SLC4A10: variants seen among roughly 807,000 people sequenced by gnomAD.
The protein encoded by SLC4A10 is solute carrier family 4 member 10.
SLC4A10 carries 42 observed loss-of-function variants against 137.7 expected under a neutral mutation model. The observed-to-expected ratio is 0.30, with a 90% CI of 0.24 to 0.39. The LOEUF is 0.39. Among genes scored for constraint, SLC4A10 ranks in the 10% least tolerant of loss-of-function variants. The pLI, the probability that SLC4A10 is intolerant of heterozygous loss-of-function variation, is 1.00. For missense variants in SLC4A10, 925 were observed against 1,355.0 expected, an observed-to-expected ratio of 0.68 and a Z score of 4.98; for synonymous variants, 474 against 464.1, an observed-to-expected ratio of 1.02 and a Z score of -0.27.
chr2:161,827,213 T>G (rs1043883601), intron 3 of SLC4A10, among the ~76,000 whole-genome samples: 1 of 152,234 alleles, frequency 6.6e-6, no homozygotes, highest in East Asian at 1.9e-4. Context: ...GACTTTCATT[T>G]TGAGTCATCA....
chr2:161,926,375 G>T, intron 15 of SLC4A10, among the ~76,000 whole-genome samples: 1 of 82,570 alleles, frequency 1.2e-5, no homozygotes, highest in African/African-American at 4.0e-5. Context: ...TGCAACCCCT[G>T]CCTTTTTTTG....
intron 21 of SLC4A10, among the ~76,000 whole-genome samples, chr2:161,959,471 A>G (rs1696242757): frequency 6.6e-6 from 1 of 152,148 alleles, no homozygotes; most frequent in Admixed American, 6.5e-5. Flanking sequence ...CTATTCCACA[A>G]CTGTGGGCAT....
In SLC4A10 at chr2:161,905,651, G is replaced by A. The variant is rs760953228; in HGVS notation, c.1761G>A (p.Gly587=). The part of the protein sequence containing the change: ...KILFKFCKEY[G]LSYLSLRASI... ...CTTTTCCTCCTCCCAGAGAATATGGGCTGTCATACCTATCTTTAAGAGCTA... is the reference window on the plus strand; with the variant it reads ...CTTTTCCTCCTCCCAGAGAATATGGACTGTCATACCTATCTTTAAGAGCTA... Residue 587 remains glycine, a synonymous_variant, in exon 15 of 27, where the codon GGG becomes GGA. Coordinates refer to ENST00000446997, the MANE Select transcript of SLC4A10 (RefSeq NM_001178015.2). The A allele has an allele frequency of 1.3e-4, 206 of 1,602,700 alleles. No homozygotes were observed. Among genetic ancestry groups the A allele is most frequent in the Middle Eastern group, 5.0e-4 (3 of 6,000 alleles).
intron 1 of SLC4A10, among the ~76,000 whole-genome samples, chr2:161,695,886 A>T (rs11682136): frequency 0.92 from 140,553 of 152,174 alleles, 64,950 homozygotes; most frequent in East Asian, 1. Flanking sequence ...CTACCTGACA[A>T]TTATTTATTT....
At chr2:161,965,715 T>G (rs2105918230) in intron 23 of SLC4A10, among the ~76,000 whole-genome samples, 1 of 152,304 alleles carries the variant, frequency 6.6e-6, no homozygotes, top group South Asian at 2.1e-4. Context: ...TTGCAGAAAC[T>G]TCTGGAATTT....
chr2:161,796,614 C>G (rs1456661011), intron 2 of SLC4A10, among the ~76,000 whole-genome samples: 1 of 152,176 alleles, frequency 6.6e-6, no homozygotes, highest in Non-Finnish European at 1.5e-5. Context: ...TTGGAACAAG[C>G]TGCTAAAATA....
At chr2:161,706,420 T>C (rs190605789) in intron 1 of SLC4A10, among the ~76,000 whole-genome samples, 9 of 151,754 alleles carry the variant, frequency 5.9e-5, no homozygotes, top group Admixed American at 5.9e-4. Flanking sequence ...ATTTCTCACA[T>C]TCAATCCCTG....
intron 11 of SLC4A10, among the ~76,000 whole-genome samples, chr2:161,897,100 A>G (rs748496269): frequency 5.9e-5 from 9 of 152,196 alleles, no homozygotes; most frequent in Middle Eastern, 3.4e-3. Flanking sequence ...TTATATTTGT[A>G]TTGCTTTTTT....
chr2:161,659,415 G>A (rs2037995305), intron 1 of SLC4A10, among the ~76,000 whole-genome samples: 1 of 152,176 alleles, frequency 6.6e-6, no homozygotes, highest in African/African-American at 2.4e-5. Flanking sequence ...AGTGAGTGAT[G>A]AGAAATTACT....
chr2:161,900,890 T>A, intron 11 of SLC4A10, 21 bp from the exon 12 acceptor site: 1 of 1,488,646 alleles, frequency 6.7e-7, no homozygotes, highest in East Asian at 2.5e-5. Flanking sequence ...ACAAAACACA[T>A]GAACAAAAAA....
At chr2:161,785,822 AC>A (rs2053562960) in intron 2 of SLC4A10, among the ~76,000 whole-genome samples, 2 of 151,930 alleles carry the variant, frequency 1.3e-5, no homozygotes, top group African/African-American at 4.8e-5. Context: ...TCAACATAGT[AC>A]TAGAAGTCCT....
rs568778991 is a variant in SLC4A10, at chr2:161,699,622, G to T, written c.49-71351G>T. Among the ~76,000 whole-genome samples the T allele has an allele frequency of 3.5e-4, 54 of 152,258 alleles. 1 individual carries two copies. The South Asian group carries it at 6.0e-3, about 17-fold the overall frequency. On this transcript the variant is annotated intron_variant, in intron 1 of 26. Transcript: ENST00000446997. ...AGGATCTTAATAATTGTAAATGAAA[G>T]ACAAGATTAAGCCTAAAAGAAAGTG...
Position 161,974,252 on chromosome 2 carries a change from G to C in SLC4A10, c.3163G>C (p.Glu1055Gln), listed in dbSNP as rs12991239. ...KKLEDAEKEE[E>Q]QSMLAMEDEG... ...TACTTTACATTTGTCTTTTCAGGAA[G>C]AACAAAGTATGCTAGCTATGGAAGA... is the stretch of plus-strand genomic sequence containing the variant. The change falls in exon 24 of 27, where the codon GAA (glutamate) becomes CAA (glutamine). Residue 1055 changes from glutamate to glutamine, a missense_variant. This residue lies in a region of SLC4A10 where 84 missense variants were observed against 76.9 expected (regional missense o/e 1.09). Coordinates refer to ENST00000446997, the MANE Select transcript of SLC4A10 (RefSeq NM_001178015.2). 1 of 1,604,302 alleles carries C rather than the reference G, an allele frequency of 6.2e-7. No individual in the cohort carries two copies. Among genetic ancestry groups the C allele is most frequent in the African/African-American group, 1.3e-5 (1 of 74,736 alleles).
intron 1 of SLC4A10, among the ~76,000 whole-genome samples, chr2:161,714,591 C>A (rs1010923019): frequency 6.6e-6 from 1 of 151,888 alleles, no homozygotes; most frequent in Non-Finnish European, 1.5e-5. Flanking sequence ...ATTATCCCTA[C>A]TCATCTTTTT....
intron 1 of SLC4A10, among the ~76,000 whole-genome samples, chr2:161,651,609 C>T (rs183105813): frequency 5.9e-5 from 9 of 152,244 alleles, no homozygotes; most frequent in South Asian, 2.1e-4. Context: ...AGCTTCTGGG[C>T]GCCACCACAT....
chr2:161,882,453 T>G lies in SLC4A10; in HGVS notation c.1194+9T>G. On this transcript the variant is annotated intron_variant, in intron 10 of 26. Coordinates refer to ENST00000446997, the MANE Select transcript of SLC4A10 (RefSeq NM_001178015.2). ...CCCTAATGACAGATGAGGTATTTATTCAAGTTCTTTGGGAACATTTTCCCC... is the reference window on the plus strand; with the variant it reads ...CCCTAATGACAGATGAGGTATTTATGCAAGTTCTTTGGGAACATTTTCCCC... The G allele has an allele frequency of 6.4e-7, 1 of 1,555,066 alleles. No individual in the cohort carries two copies. Among genetic ancestry groups the G allele is most frequent in the Non-Finnish European group, 8.7e-7 (1 of 1,148,008 alleles).
At chr2:161,626,437 G>A (rs1368956313) in intron 1 of SLC4A10, among the ~76,000 whole-genome samples, 1 of 152,066 alleles carries the variant, frequency 6.6e-6, no homozygotes, top group Non-Finnish European at 1.5e-5. Context: ...ATTTTTGAAG[G>A]CCAGAGTCAA....
rs770612091 is a variant in SLC4A10 at position 161,773,855 on chromosome 2, TAGAA to T, written c.130+2807_130+2810del. 7.2e-5 allele frequency among the ~76,000 whole-genome samples: 11 copies of T among 152,012 alleles called. No individual in the cohort carries two copies. In the South Asian group the frequency reaches 1.0e-3, roughly 14 times the overall value. The stretch of plus-strand genomic sequence containing the variant: ...TTTATGTCTTTTCCTCCTATTAAAA[TAGAA>T]AGAAAACTATCTTACTAGATTCTTC... On this transcript the variant is annotated intron_variant, in intron 2 of 26. Coordinates refer to ENST00000446997, the MANE Select transcript of SLC4A10 (RefSeq NM_001178015.2).
chr2:161,873,452 GC>G (rs2061260556), intron 7 of SLC4A10, among the ~76,000 whole-genome samples: 1 of 145,068 alleles, frequency 6.9e-6, no homozygotes, highest in African/African-American at 2.5e-5. Context: ...GATTGCTTGA[GC>G]CTAGGAGGCA....
Sources: gnomAD v4.1 joint callset for allele counts (sites outside exome capture counted in the v4.1 genomes callset) on GRCh38, gnomAD v4.1.1 for gene constraint, gnomAD v4.1.1 regional missense constraint, MANE v1.5 for transcripts, NCBI Gene and HGNC (gene_info 2026-07-23, HGNC 2026-07-21) for gene names.